Variants in TPI1 observed in about 807,000 individuals in gnomAD.
TPI1 encodes the protein triosephosphate isomerase 1, also known as triosephosphate isomerase.
A neutral mutation model predicts 31.0 loss-of-function variants in TPI1; 11 were observed. The ratio of observed to expected loss-of-function variants is 0.36; its 90% CI spans 0.22 to 0.59. The LOEUF is 0.59. Ranked by LOEUF, TPI1 falls within the 20% of genes least tolerant of loss-of-function variation. The pLI is 0.79. For missense variants in TPI1, 245 were observed against 319.7 expected (o/e 0.77, Z 1.78); for synonymous variants, 121 against 122.8 (o/e 0.99, Z 0.10).
Position 6,868,866 on chromosome 12 carries a change from G to C in TPI1, c.118G>C (p.Val40Leu). 1 of 1,612,750 alleles carries C rather than the reference G, an allele frequency of 6.2e-7. No homozygotes were observed. Among genetic ancestry groups the C allele is most frequent in the South Asian group, 1.1e-5 (1 of 90,908 alleles). ...CTGTGGTACCATCTTGTCCTCAGAG[G>C]TGGTTTGTGCTCCCCCTACTGCCTA... is the stretch of plus-strand genomic sequence containing the variant. ...NAAKVPADTE[V>L]VCAPPTAYID... is the part of the protein sequence containing the mutation. The change falls in exon 2 of 7, where the codon GTG becomes CTG. Residue 40 changes from valine to leucine, a missense_variant and splice_region_variant. This residue lies in a region of TPI1 where 95 missense variants were observed against 96.4 expected (regional missense o/e 0.99). Transcript: ENST00000396705.
At chr12:6,868,104 C>T in intron 1 of TPI1, 1 of 1,271,444 alleles carries the variant, frequency 7.9e-7, no homozygotes, top group Non-Finnish European at 1.0e-6. Flanking sequence ...GCCCCAGACT[C>T]CTCCCCTTCC....
chr12:6,868,011 T>C, intron 1 of TPI1: 4 of 1,171,408 alleles, frequency 3.4e-6, no homozygotes, highest in Non-Finnish European at 4.4e-6. Flanking sequence ...CCCGAGGCTC[T>C]GCGGGAGACC....
At chr12:6,867,471 G>C (rs1265368923), upstream of TPI1, 1 of 1,528,760 alleles carries the variant, frequency 6.5e-7, no homozygotes, top group African/African-American at 1.4e-5. Flanking sequence ...GGAGGACGGC[G>C]AGGAGGCGGA....
In TPI1 at chr12:6,869,353, T is replaced by C. The variant is rs1565537860; in HGVS notation, c.420T>C (p.Thr140=). The C allele has an allele frequency of 6.2e-7, 1 of 1,614,056 alleles. No individual in the cohort carries two copies. Among genetic ancestry groups the C allele is most frequent in the Middle Eastern group, 1.6e-4 (1 of 6,062 alleles). ...TAGATGAAAGGGAAGCTGGCATCAC[T>C]GAGAAGGTTGTTTTCGAGCAGACAA... ...EKLDEREAGI[T]EKVVFEQTKV... Residue 140 remains threonine, a synonymous_variant, in exon 4 of 7, where the codon ACT becomes ACC. Transcript: ENST00000396705.
At chr12:6,870,215 G>C (rs1555132550) in intron 6 of TPI1, 50 bp from the exon 7 acceptor site, 1 of 1,603,960 alleles carries the variant, frequency 6.2e-7, no homozygotes, top group East Asian at 2.2e-5. Flanking sequence ...GTGGGGATGG[G>C]GCAGACTCAT....
Position 6,867,689 on chromosome 12 carries a change from C to T in TPI1, c.115+8C>T. 1 of 1,589,944 alleles carries T rather than the reference C, an allele frequency of 6.3e-7. No homozygotes were observed. Among genetic ancestry groups the T allele is most frequent in the South Asian group, 1.1e-5 (1 of 89,864 alleles). ...AGGTGCCGGCCGACACCGGTAAGCC[C>T]TCGCCGAGGAGGGGTCTGGCCGGGC... On this transcript the variant is annotated splice_region_variant and intron_variant, in intron 1 of 6. Coordinates refer to ENST00000396705, the MANE Select transcript of TPI1 (RefSeq NM_000365.6).
chr12:6,868,261 G>A (rs781785132), intron 1 of TPI1: 14 of 1,287,532 alleles, frequency 1.1e-5, no homozygotes, highest in Non-Finnish European at 1.4e-5. Flanking sequence ...TGGGAGTGAG[G>A]AGCCATCCTA....
intron 1 of TPI1, 108 bp from the exon 2 acceptor site, chr12:6,868,756 C>A (rs1418189699): frequency 6.6e-7 from 1 of 1,506,186 alleles, no homozygotes; most frequent in Non-Finnish European, 8.9e-7. Flanking sequence ...AGAGCAGAAC[C>A]AAGAAGAAGA....
chr12:6,870,495 T>G lies in TPI1; in HGVS notation c.*112T>G, dbSNP rs1376105533. On this transcript the variant is annotated 3_prime_UTR_variant, in exon 7 of 7. Transcript: ENST00000396705. ...TCTGATGGTGTCATCTGCTCCTTCCTGTGGCCTCATCCAAACTGTATCTTC... is the reference window on the plus strand; with the variant it reads ...TCTGATGGTGTCATCTGCTCCTTCCGGTGGCCTCATCCAAACTGTATCTTC... 3 of 857,926 alleles carry G rather than the reference T, an allele frequency of 3.5e-6. No homozygotes were observed. The highest frequency in any genetic ancestry group is 6.1e-6 in the Non-Finnish European group (3 of 490,784). 53.1% of individuals were successfully genotyped at this position (857,926 alleles called of 1,614,324 possible).
intron 4 of TPI1, 36 bp downstream of exon 4, chr12:6,869,426 G>A (rs1486063951): frequency 6.2e-7 from 1 of 1,613,594 alleles, no homozygotes; most frequent in South Asian, 1.1e-5. Flanking sequence ...AGCCTATCCA[G>A]GGCCACAGAG....
chr12:6,869,648 C>T, intron 4 of TPI1, 40 bp from the exon 5 acceptor site: 1 of 1,610,316 alleles, frequency 6.2e-7, no homozygotes, highest in Non-Finnish European at 8.5e-7. Flanking sequence ...AGAGCTCTTT[C>T]TTGTTCACCC....
At position 6,868,411 on chromosome 12, in the gene TPI1, G is replaced by A. The variant is rs1190620190; in HGVS notation, c.116-453G>A. On this transcript the variant is annotated intron_variant, in intron 1 of 6. Coordinates refer to ENST00000396705, the MANE Select transcript of TPI1 (RefSeq NM_000365.6). ...CGGAGAGCCGCGGGCCTGATCCAAA[G>A]AGGCATCCCCTTCTCGTTCATTCCC... 6.2e-6 allele frequency: 8 copies of A among 1,288,658 alleles called. No homozygotes were observed. In the African/African-American group the frequency reaches 1.2e-4, roughly 20 times the overall value. The allele number at this position is 1,288,658 out of a possible 1,614,324, so 79.8% of individuals were successfully genotyped here.
chr12:6,867,711 G>A (rs1555131608), intron 1 of TPI1, 30 bp downstream of exon 1: 2 of 1,515,018 alleles, frequency 1.3e-6, no homozygotes, highest in Non-Finnish European at 1.7e-6. Context: ...GGGTCTGGCC[G>A]GGCCGGGGCC....
Position 6,868,531 on chromosome 12 carries a change from A to G in TPI1, c.116-333A>G, listed in dbSNP as rs2001005. 2.1e-3 allele frequency: 2,635 copies of G among 1,282,650 alleles called. 50 individuals carry two copies. The African/African-American group carries it at 0.034, about 17-fold the overall frequency. 79.5% of individuals were successfully genotyped at this position (1,282,650 alleles called of 1,614,324 possible). A position where few individuals can be genotyped will look rare whatever the true frequency, so the allele number is the denominator to read the frequency against. On this transcript the variant is annotated intron_variant, in intron 1 of 6. Transcript: ENST00000396705. ...GGAGGTGAGGATGGGCTATTTTAGA[A>G]GGGAAGCAGGGTTGCTCCCTGGAGA...
At position 6,868,461 on chromosome 12, in the gene TPI1, G is replaced by A. The variant is rs1555131927; in HGVS notation, c.116-403G>A. 5 of 1,287,690 alleles carry A rather than the reference G, an allele frequency of 3.9e-6. No individual in the cohort carries two copies. The South Asian group carries it at 6.2e-5, about 16-fold the overall frequency. 79.8% of individuals were successfully genotyped at this position (1,287,690 alleles called of 1,614,324 possible). On this transcript the variant is annotated intron_variant, in intron 1 of 6. Coordinates refer to ENST00000396705, the MANE Select transcript of TPI1 (RefSeq NM_000365.6). The stretch of plus-strand genomic sequence containing the variant: ...CCAGAGGCCTCAATACAAACCCCAG[G>A]AGTTGGCCCCTCTCCTTTTGCTACA...
Position 6,870,770 on chromosome 12 carries a change from C to G in TPI1, c.*387C>G, listed in dbSNP as rs1555132980. 7.8e-6 allele frequency: 4 copies of G among 513,830 alleles called. No individual in the cohort carries two copies. Among genetic ancestry groups the G allele is most frequent in the Non-Finnish European group, 1.5e-5 (4 of 265,412 alleles). 31.8% of individuals were successfully genotyped at this position (513,830 alleles called of 1,614,324 possible). On this transcript the variant is annotated 3_prime_UTR_variant, in exon 7 of 7. Coordinates refer to ENST00000396705, the MANE Select transcript of TPI1 (RefSeq NM_000365.6). ...GGAGTGCTGCCCTCTCCCATGGTGC[C>G]CGTGCCTCTGTGCTGTGTATGTGAA... is the stretch of plus-strand genomic sequence containing the variant.
chr12:6,868,230 TGCCAAACA>T, intron 1 of TPI1: 1 of 1,287,702 alleles, frequency 7.8e-7, no homozygotes, highest in Non-Finnish European at 1.0e-6. Context: ...ACCGAGCCCG[TGCCAAACA>T]GGCTGAGCGA....
chr12:6,869,497 G>C, intron 4 of TPI1, 107 bp downstream of exon 4: 1 of 1,563,970 alleles, frequency 6.4e-7, no homozygotes, highest in East Asian at 2.2e-5. Flanking sequence ...TCCAGAAAAG[G>C]AAAAAGGGGA....
intron 1 of TPI1, chr12:6,868,089 A>G: frequency 8.1e-7 from 1 of 1,240,650 alleles, no homozygotes; most frequent in East Asian, 5.5e-5. Flanking sequence ...GCGCCGCCGC[A>G]CGTAGCCCCA....
Sources: gnomAD v4.1 joint callset for allele counts on GRCh38, gnomAD v4.1.1 for gene constraint, gnomAD v4.1.1 regional missense constraint, MANE v1.5 for transcripts, NCBI Gene and HGNC (gene_info 2026-07-23, HGNC 2026-07-21) for gene names.